Variants in CTNNA3 observed in about 807,000 individuals in gnomAD.
CTNNA3 encodes catenin alpha 3.
Under a neutral mutation model 95.7 loss-of-function variants are expected in CTNNA3, and 76 were observed. That is an observed-to-expected ratio of 0.79 (90% confidence interval 0.66 to 0.96). The LOEUF (loss-of-function observed/expected upper bound fraction) is 0.96, where lower values mean the gene tolerates loss of function less well. CTNNA3 is among the 40% of genes least tolerant of loss of function. CTNNA3 has a pLI of 0.00. For synonymous variants in CTNNA3, 431 were observed against 374.4 expected (o/e 1.15, Z -1.74); for missense variants, 1,191 against 1,089.8 (o/e 1.09, Z -1.31).
rs10997104 is a variant in CTNNA3, at chr10:66,403,720, G to A, written c.1532-24368C>T. 3.1e-3 allele frequency among the ~76,000 whole-genome samples: 466 copies of A among 152,190 alleles called. 3 individuals are homozygous for A. Among genetic ancestry groups the A allele is most frequent in the African/African-American group, 0.011 (453 of 41,544 alleles). ...AAACGGTATTTGCAAGACAGCTACT[G>A]TACAATCCGCTTCATTAATAAACTG... On this transcript the variant is annotated intron_variant, in intron 11 of 17. Transcript: ENST00000433211.
At chr10:67,691,573 G>T (rs2133589099) in intron 1 of CTNNA3, among the ~76,000 whole-genome samples, 1 of 150,740 alleles carries the variant, frequency 6.6e-6, no homozygotes, top group Non-Finnish European at 1.5e-5. Flanking sequence ...GAGCGTCTCT[G>T]CCCGGTCGCC....
intron 11 of CTNNA3, among the ~76,000 whole-genome samples, chr10:66,398,336 A>T (rs930191434): frequency 5.3e-5 from 8 of 152,042 alleles, no homozygotes; most frequent in East Asian, 1.9e-4. Context: ...TCAAGAACAA[A>T]TTTTTTGTCT....
chr10:66,182,600 A>T (rs1247000104), intron 13 of CTNNA3, among the ~76,000 whole-genome samples: 1 of 151,996 alleles, frequency 6.6e-6, no homozygotes, highest in East Asian at 1.9e-4. Context: ...GGTTCCTAAG[A>T]CTGATTATGC....
intron 1 of CTNNA3, among the ~76,000 whole-genome samples, chr10:67,724,058 C>A (rs953054137): frequency 3.9e-5 from 6 of 152,152 alleles, no homozygotes; most frequent in African/African-American, 1.4e-4. Flanking sequence ...CATGATGCCC[C>A]AGCTGGGCTC....
At chr10:66,820,969 CCAT>C (rs1344012401) in intron 7 of CTNNA3, among the ~76,000 whole-genome samples, 1 of 152,044 alleles carries the variant, frequency 6.6e-6, no homozygotes, top group Non-Finnish European at 1.5e-5. Context: ...TGCCTCAGTT[CCAT>C]CATCATTAAC....
intron 12 of CTNNA3, among the ~76,000 whole-genome samples, chr10:66,325,365 G>A (rs559538301): frequency 6.6e-6 from 1 of 152,170 alleles, no homozygotes; most frequent in South Asian, 2.1e-4. Flanking sequence ...TAGCAAACAA[G>A]AGTCAAGATG....
chr10:66,235,230 A>T (rs1399389654), intron 13 of CTNNA3, among the ~76,000 whole-genome samples: 1 of 152,188 alleles, frequency 6.6e-6, no homozygotes, highest in Non-Finnish European at 1.5e-5. Context: ...GTAATGTTAC[A>T]TAGTAAAAAA....
chr10:67,296,195 C>G (rs1237267862), intron 5 of CTNNA3, among the ~76,000 whole-genome samples: 1 of 151,790 alleles, frequency 6.6e-6, no homozygotes, highest in Non-Finnish European at 1.5e-5. Context: ...CATTTTTTTT[C>G]TTTTCTCTCT....
chr10:66,597,009 A>G (rs919648530), intron 10 of CTNNA3, among the ~76,000 whole-genome samples: 20 of 152,106 alleles, frequency 1.3e-4, no homozygotes, highest in Admixed American at 5.9e-4. Context: ...AAAGAACAAG[A>G]CAAATTCAGC....
At chr10:65,963,034 A>C (rs999453029) in intron 17 of CTNNA3, among the ~76,000 whole-genome samples, 3 of 152,092 alleles carry the variant, frequency 2.0e-5, no homozygotes, top group Admixed American at 2.0e-4. Context: ...TAATTTTTAA[A>C]AGTCATTCCT....
intron 5 of CTNNA3, among the ~76,000 whole-genome samples, chr10:67,222,763 T>C (rs1864719033): frequency 6.6e-6 from 1 of 152,246 alleles, no homozygotes. Context: ...AATCACAACT[T>C]AATACATAAT....
At chr10:66,764,805 A>G (rs1839774258) in intron 9 of CTNNA3, among the ~76,000 whole-genome samples, 1 of 152,066 alleles carries the variant, frequency 6.6e-6, no homozygotes, top group Non-Finnish European at 1.5e-5. Context: ...TAGACGAAGG[A>G]ATAAATAAAA....
intron 7 of CTNNA3, among the ~76,000 whole-genome samples, chr10:67,065,125 A>C (rs1413576713): frequency 2.6e-5 from 4 of 152,154 alleles, no homozygotes; most frequent in Non-Finnish European, 5.9e-5. Flanking sequence ...AAGAAATTCA[A>C]GGCACCATGG....
At chr10:67,519,770 A>C (rs1589383835) in intron 5 of CTNNA3, among the ~76,000 whole-genome samples, 1 of 152,098 alleles carries the variant, frequency 6.6e-6, no homozygotes, top group Non-Finnish European at 1.5e-5. Context: ...AAAGAATACC[A>C]CCTTATAAAG....
At position 66,003,780 on chromosome 10, in the gene CTNNA3, T is replaced by G. The variant is rs573774572; in HGVS notation, c.2160-14983A>C. Among the ~76,000 whole-genome samples the G allele has an allele frequency of 1.6e-4, 25 of 152,336 alleles. No homozygotes were observed. The South Asian group carries it at 2.7e-3, about 16-fold the overall frequency. The stretch of plus-strand genomic sequence containing the variant: ...ATAATAACAAACATTATTGTGTTAT[T>G]ATGTGCTTACAACGTTCCAGGCACT... On this transcript the variant is annotated intron_variant, in intron 15 of 17. Transcript: ENST00000433211.
chr10:67,163,664 A>G (rs1190610523), intron 7 of CTNNA3, among the ~76,000 whole-genome samples: 1 of 152,022 alleles, frequency 6.6e-6, no homozygotes, highest in African/African-American at 2.4e-5. Context: ...ATACAGATTT[A>G]AAAGGAAGAA....
At chr10:66,152,832 C>A (rs1238880794) in intron 13 of CTNNA3, among the ~76,000 whole-genome samples, 1 of 151,966 alleles carries the variant, frequency 6.6e-6, no homozygotes, top group Non-Finnish European at 1.5e-5. Flanking sequence ...TGAAAGTAGT[C>A]CAATTCACTG....
chr10:67,753,240 A>C (rs529924177), intron 1 of CTNNA3, among the ~76,000 whole-genome samples: 2 of 152,216 alleles, frequency 1.3e-5, no homozygotes. Flanking sequence ...CCTATTTAAT[A>C]AATGGTGCTG....
chr10:66,869,008 C>T (rs990266698), intron 7 of CTNNA3, among the ~76,000 whole-genome samples: 1 of 152,048 alleles, frequency 6.6e-6, no homozygotes. Context: ...AACTCAAATG[C>T]CTATCAAAGT....
Sources: gnomAD v4.1 joint callset for allele counts (sites outside exome capture counted in the v4.1 genomes callset) on GRCh38, gnomAD v4.1.1 for gene constraint, MANE v1.5 for transcripts, NCBI Gene and HGNC (gene_info 2026-07-23, HGNC 2026-07-21) for gene names.